The following LDLRAD3 variants were observed in gnomAD, a reference collection of about 807,000 sequenced individuals.
LDLRAD3 encodes low-density lipoprotein receptor class A domain-containing protein 3.
LDLRAD3 carries 20 observed loss-of-function variants against 29.4 expected under a neutral mutation model. The observed-to-expected ratio is 0.68, with a 90% CI of 0.48 to 0.99. LDLRAD3 has a LOEUF of 0.99. LDLRAD3 is among the 50% of genes least tolerant of loss of function. The pLI is 0.00. For synonymous variants in LDLRAD3, 157 were observed against 192.7 expected (o/e 0.81, Z 1.53); for missense variants, 420 against 454.3 (o/e 0.92, Z 0.69).
chr11:36,091,687 T>C (rs1201023792), intron 3 of LDLRAD3, among the ~76,000 whole-genome samples: 1 of 152,178 alleles, frequency 6.6e-6, no homozygotes, highest in Non-Finnish European at 1.5e-5. Flanking sequence ...AATAGAATGT[T>C]CCTCTCCCCA....
At chr11:36,139,277 A>G (rs1590299576) in intron 4 of LDLRAD3, among the ~76,000 whole-genome samples, 1 of 152,356 alleles carries the variant, frequency 6.6e-6, no homozygotes, top group Non-Finnish European at 1.5e-5. Flanking sequence ...GAGTGGGGGC[A>G]GACCCAACTT....
At chr11:36,212,183 C>A (rs1244737488) in intron 4 of LDLRAD3, among the ~76,000 whole-genome samples, 1 of 152,128 alleles carries the variant, frequency 6.6e-6, no homozygotes, top group East Asian at 1.9e-4. Context: ...TCTGGCGAAG[C>A]CACTCGATGC....
At chr11:36,200,305 C>A (rs912218338) in intron 4 of LDLRAD3, among the ~76,000 whole-genome samples, 1 of 152,168 alleles carries the variant, frequency 6.6e-6, no homozygotes, top group Non-Finnish European at 1.5e-5. Context: ...TTATAGACAG[C>A]CAGCTTTTCA....
intron 4 of LDLRAD3, chr11:36,163,300 G>A (rs562588456): frequency 6.6e-6 from 1 of 152,334 alleles, no homozygotes; most frequent in South Asian, 2.1e-4. Flanking sequence ...TTCCCTTCCA[G>A]CAATTAAACA....
At chr11:36,220,107 C>T (rs1049611148) in intron 4 of LDLRAD3, among the ~76,000 whole-genome samples, 1 of 152,024 alleles carries the variant, frequency 6.6e-6, no homozygotes, top group African/African-American at 2.4e-5. Context: ...TAATTAAAAC[C>T]TCAATAAGAG....
chr11:36,200,847 A>C (rs1337579235), intron 4 of LDLRAD3, among the ~76,000 whole-genome samples: 1 of 152,228 alleles, frequency 6.6e-6, no homozygotes, highest in Non-Finnish European at 1.5e-5. Flanking sequence ...AGGTGATGAA[A>C]TTAAATGAAA....
intron 4 of LDLRAD3, among the ~76,000 whole-genome samples, chr11:36,169,160 T>C (rs1216127917): frequency 6.6e-6 from 1 of 152,210 alleles, no homozygotes; most frequent in African/African-American, 2.4e-5. Flanking sequence ...TGTGAGCTTT[T>C]TTATTGATAC....
At chr11:36,129,396 C>A (rs539990937) in intron 4 of LDLRAD3, among the ~76,000 whole-genome samples, 1 of 152,252 alleles carries the variant, frequency 6.6e-6, no homozygotes, top group South Asian at 2.1e-4. Context: ...AGCCCCAGAG[C>A]CTTCATCTCC....
At chr11:36,156,811 G>A (rs1490838505) in intron 4 of LDLRAD3, among the ~76,000 whole-genome samples, 6 of 152,116 alleles carry the variant, frequency 3.9e-5, no homozygotes, top group Non-Finnish European at 8.8e-5. Context: ...ATTTCAGAAG[G>A]CAACATAAAT....
intron 4 of LDLRAD3, among the ~76,000 whole-genome samples, chr11:36,128,815 C>T (rs981471682): frequency 6.6e-6 from 1 of 150,804 alleles, no homozygotes; most frequent in East Asian, 2.0e-4. Flanking sequence ...CATTACTGCA[C>T]TCCAGCCTGG....
At chr11:36,053,496 G>A (rs2133225372) in intron 2 of LDLRAD3, among the ~76,000 whole-genome samples, 1 of 152,232 alleles carries the variant, frequency 6.6e-6, no homozygotes, top group East Asian at 1.9e-4. Flanking sequence ...ACTCATGACT[G>A]GCTGTGTTGT....
chr11:36,118,688 T>A (rs994497354), intron 4 of LDLRAD3, among the ~76,000 whole-genome samples: 1 of 152,208 alleles, frequency 6.6e-6, no homozygotes, highest in Non-Finnish European at 1.5e-5. Context: ...TTTATTTAGA[T>A]GTAATTAATA....
intron 4 of LDLRAD3, among the ~76,000 whole-genome samples, chr11:36,203,928 C>T (rs970568418): frequency 2.0e-5 from 3 of 152,066 alleles, no homozygotes; most frequent in African/African-American, 4.8e-5. Context: ...GCAGTTACAG[C>T]TCACCAGAGG....
At chr11:36,203,768 C>G (rs181827317) in intron 4 of LDLRAD3, among the ~76,000 whole-genome samples, 72 of 152,294 alleles carry the variant, frequency 4.7e-4, no homozygotes, top group Non-Finnish European at 9.0e-4. Context: ...CTGAGCTTCT[C>G]ATTTCCAAAT....
At chr11:36,105,735 C>T (rs1264615443) in intron 4 of LDLRAD3, among the ~76,000 whole-genome samples, 3 of 152,124 alleles carry the variant, frequency 2.0e-5, no homozygotes, top group East Asian at 1.9e-4. Context: ...GATTCTCTCT[C>T]GCAGCCCTCT....
chr11:36,126,154 G>A (rs981298512), intron 4 of LDLRAD3, among the ~76,000 whole-genome samples: 1 of 152,120 alleles, frequency 6.6e-6, no homozygotes, highest in Non-Finnish European at 1.5e-5. Context: ...CGCAGGAAGC[G>A]TTAGAACCCC....
intron 4 of LDLRAD3, among the ~76,000 whole-genome samples, chr11:36,151,975 G>T (rs1030302741): frequency 1.3e-5 from 2 of 152,140 alleles, no homozygotes; most frequent in African/African-American, 4.8e-5. Context: ...CAAAGTGTCT[G>T]CAGTGACTTC....
intron 1 of LDLRAD3, among the ~76,000 whole-genome samples, chr11:36,006,636 A>G (rs750279484): frequency 8.5e-5 from 13 of 152,142 alleles, no homozygotes; most frequent in Non-Finnish European, 7.4e-5. Context: ...TTCCTTGGGC[A>G]AGTTTTTGAA....
At chr11:36,163,916 C>G (rs995394230) in intron 4 of LDLRAD3, among the ~76,000 whole-genome samples, 7 of 152,200 alleles carry the variant, frequency 4.6e-5, no homozygotes, top group Non-Finnish European at 7.3e-5. Flanking sequence ...ATTTTGCTCC[C>G]GTTTTCATCT....
Sources: allele counts gnomAD v4.1 joint callset (sites outside exome capture counted in the v4.1 genomes callset), GRCh38; gene constraint gnomAD v4.1.1; transcripts MANE v1.5; gene names NCBI Gene and HGNC (gene_info 2026-07-23, HGNC 2026-07-21).